Variants in KDM2B observed in about 807,000 individuals in gnomAD.
KDM2B encodes the protein lysine-specific demethylase 2B.
In KDM2B, 26 loss-of-function variants were observed where a neutral mutation model predicts 150.0. The ratio of observed to expected loss-of-function variants is 0.17; its 90% CI spans 0.13 to 0.24. The LOEUF (loss-of-function observed/expected upper bound fraction) is 0.24, where lower values mean the gene tolerates loss of function less well. Among genes scored for constraint, KDM2B ranks in the 10% least tolerant of loss-of-function variants. KDM2B has a pLI of 1.00. For synonymous variants in KDM2B, 734 were observed against 729.5 expected (o/e 1.01, Z -0.10); for missense variants, 1,265 against 1,816.9 (o/e 0.70, Z 5.52).
At chr12:121,485,481 C>T (rs1265124473) in intron 12 of KDM2B, among the ~76,000 whole-genome samples, 7 of 152,130 alleles carry the variant, frequency 4.6e-5, no homozygotes, top group South Asian at 2.1e-4. Flanking sequence ...CCAACCTCTT[C>T]GTTGCCACAG....
chr12:121,560,299 C>G (rs1890245176), intron 4 of KDM2B, among the ~76,000 whole-genome samples: 1 of 152,176 alleles, frequency 6.6e-6, no homozygotes, highest in African/African-American at 2.4e-5. Flanking sequence ...GCCACCTCAC[C>G]CAGCCTGGAC....
In KDM2B at chr12:121,575,928, G is replaced by T; in HGVS notation, c.272-69C>A. 1 of 1,206,818 alleles carries T rather than the reference G, an allele frequency of 8.3e-7. No homozygotes were observed. Among genetic ancestry groups the T allele is most frequent in the Non-Finnish European group, 1.2e-6 (1 of 810,662 alleles). The allele number at this position is 1,206,818 out of a possible 1,614,324, so 74.8% of individuals were successfully genotyped here. A position where few individuals can be genotyped will look rare whatever the true frequency, so the allele number is the denominator to read the frequency against. ...GGAGCAAATGAACCGGGATCTGTTG[G>T]TTAGGGGAAGAAAACTGATGGACGA... On this transcript the variant is annotated intron_variant, in intron 2 of 22. Transcript: ENST00000377071. The surrounding 1 kb of genome is among the most constrained non-coding windows in gnomAD (Gnocchi z 4.4).
chr12:121,514,491 A>G (rs1222898212), intron 9 of KDM2B, among the ~76,000 whole-genome samples: 2 of 151,698 alleles, frequency 1.3e-5, no homozygotes, highest in Non-Finnish European at 2.9e-5. Flanking sequence ...TGATGGACCC[A>G]ACACAAGGAT....
chr12:121,417,904 C>T, the KDM2B span: 17 of 1,613,554 alleles, frequency 1.1e-5, no homozygotes, highest in Admixed American at 1.7e-5. The surrounding 1 kb of genome is among the most constrained non-coding windows in gnomAD (Gnocchi z 5.0). Context: ...TCTGGAGTGC[C>T]GGCACAGGTA....
At chr12:121,441,017 TC>T in intron 20 of KDM2B, 40 bp from the exon 21 acceptor site, 2 of 1,612,048 alleles carry the variant, frequency 1.2e-6, no homozygotes, top group Non-Finnish European at 8.5e-7. Context: ...AGGGGATGTG[TC>T]CCCAGCCCTC....
At chr12:121,564,254 G>C (rs1469324620) in intron 4 of KDM2B, among the ~76,000 whole-genome samples, 2 of 151,930 alleles carry the variant, frequency 1.3e-5, no homozygotes, top group African/African-American at 4.8e-5. Flanking sequence ...TCAGGAGATC[G>C]AGACCATCCC....
At chr12:121,502,980 GTTTT>G (rs782050310) in intron 11 of KDM2B, among the ~76,000 whole-genome samples, 2 of 129,660 alleles carry the variant, frequency 1.5e-5, no homozygotes, top group Non-Finnish European at 1.6e-5. Flanking sequence ...TTTTTTGTGG[GTTTT>G]TTTTTTTTTT....
intron 12 of KDM2B, among the ~76,000 whole-genome samples, chr12:121,463,080 G>A (rs1363046027): frequency 1.3e-5 from 2 of 151,454 alleles, no homozygotes; most frequent in Non-Finnish European, 2.9e-5. Flanking sequence ...ACTTTGGGAG[G>A]CCAAGGCGGG....
intron 11 of KDM2B, among the ~76,000 whole-genome samples, chr12:121,500,117 G>GT (rs1191150986): frequency 4.6e-5 from 7 of 152,078 alleles, no homozygotes. Flanking sequence ...TTTCATTTGT[G>GT]TATGACAGGC....
At position 121,452,414 on chromosome 12, in the gene KDM2B, A is replaced by G. The variant is rs1475309388; in HGVS notation, c.1959+706T>C. ...TCACCCTATGCCAGGCTGGGCCTGC[A>G]GATGAGCGCACCAGGGCCGAGGAAT... On this transcript the variant is annotated intron_variant, in intron 13 of 22. Transcript: ENST00000377071. This position sits in a 1 kb window ranked among gnomAD's most constrained non-coding sequence, Gnocchi z 4.4. 1.3e-5 allele frequency among the ~76,000 whole-genome samples: 2 copies of G among 152,254 alleles called. No individual in the cohort carries two copies. The highest frequency in any genetic ancestry group is 2.9e-5 in the Non-Finnish European group (2 of 68,028).
intron 4 of KDM2B, among the ~76,000 whole-genome samples, chr12:121,557,936 G>C (rs574562564): frequency 1.3e-5 from 2 of 152,304 alleles, no homozygotes; most frequent in South Asian, 4.1e-4. Flanking sequence ...CCCTCCCAGA[G>C]CCTGGTATAA....
intron 4 of KDM2B, among the ~76,000 whole-genome samples, chr12:121,550,705 G>A (rs752601390): frequency 2.6e-5 from 4 of 152,048 alleles, no homozygotes; most frequent in Non-Finnish European, 5.9e-5. Context: ...TGTTGGTCAG[G>A]CTGGTCTTGA....
At chr12:121,557,288 A>G (rs1470004057) in intron 4 of KDM2B, among the ~76,000 whole-genome samples, 4 of 128,548 alleles carry the variant, frequency 3.1e-5, no homozygotes, top group Non-Finnish European at 6.2e-5. Context: ...CCCAGGATGG[A>G]GTTCAGTGGT....
chr12:121,533,066 G>T lies in KDM2B; in HGVS notation c.778-107C>A, dbSNP rs1887796858. The T allele has an allele frequency of 1.8e-6, 2 of 1,106,358 alleles. No individual in the cohort carries two copies. Among genetic ancestry groups the T allele is most frequent in the African/African-American group, 3.1e-5 (2 of 65,062 alleles). 68.5% of individuals were successfully genotyped at this position (1,106,358 alleles called of 1,614,324 possible). A position where few individuals can be genotyped will look rare whatever the true frequency, so the allele number is the denominator to read the frequency against. Reference sequence around the variant, plus strand: ...GGGGAGGGGGCGAGACAAGCTGTGTGTGGGGTGGGGGGTGTGGAGAGATGG... The same window carrying T: ...GGGGAGGGGGCGAGACAAGCTGTGTTTGGGGTGGGGGGTGTGGAGAGATGG... On this transcript the variant is annotated intron_variant, in intron 7 of 22. Transcript: ENST00000377071. This position sits in a 1 kb window ranked among gnomAD's most constrained non-coding sequence, Gnocchi z 4.1.
intron 22 of KDM2B, among the ~76,000 whole-genome samples, chr12:121,432,586 G>T (rs538570861): frequency 6.6e-6 from 1 of 152,266 alleles, no homozygotes; most frequent in African/African-American, 2.4e-5. Context: ...CATCTTAAAG[G>T]TGTCATTTAG....
chr12:121,477,407 C>T (rs1239569602), intron 12 of KDM2B, among the ~76,000 whole-genome samples: 1 of 151,672 alleles, frequency 6.6e-6, no homozygotes, highest in East Asian at 1.9e-4. Flanking sequence ...TTTTAAGAGA[C>T]AAAGTCTACT....
the KDM2B span, among the ~76,000 whole-genome samples, chr12:121,422,417 G>GC: frequency 6.6e-6 from 1 of 152,114 alleles, no homozygotes. Flanking sequence ...AGAGACCAAG[G>GC]CCCACTCTGA....
chr12:121,467,557 C>T lies in KDM2B; in HGVS notation c.1735-14213G>A, dbSNP rs1255281834. 6.5e-6 allele frequency: 1 copy of T among 154,100 alleles called. No individual in the cohort carries two copies. Among genetic ancestry groups the T allele is most frequent in the African/African-American group, 2.4e-5 (1 of 41,038 alleles). The allele number at this position is 154,100 out of a possible 1,614,324, so 9.5% of individuals were successfully genotyped here. A position where few individuals can be genotyped will look rare whatever the true frequency, so the allele number is the denominator to read the frequency against. On this transcript the variant is annotated intron_variant, in intron 12 of 22. Transcript: ENST00000377071. This position sits in a 1 kb window ranked among gnomAD's most constrained non-coding sequence, Gnocchi z 5.1. ...CGGGGGCGGGCCGCCGAGGGCGGTC[C>T]CTCGCGGCCGGAGCGCGGGGACTGG...
chr12:121,492,754 C>T lies in KDM2B; in HGVS notation c.1734+1825G>A, dbSNP rs538587125. ...TGAGGCAGGAGAATCGCTTGAACTC[C>T]GGAGGCGGAGGATGCAGTGAGCCGA... On this transcript the variant is annotated intron_variant, in intron 12 of 22. Coordinates refer to ENST00000377071, the MANE Select transcript of KDM2B (RefSeq NM_032590.5). Among the ~76,000 whole-genome samples the T allele has an allele frequency of 3.1e-3, 463 of 150,262 alleles. 1 individual carries two copies. Among genetic ancestry groups the T allele is most frequent in the Admixed American group, 7.4e-3 (111 of 15,074 alleles).
Sources: allele counts gnomAD v4.1 joint callset (sites outside exome capture counted in the v4.1 genomes callset), GRCh38; gene constraint gnomAD v4.1.1; non-coding constraint Gnocchi (gnomAD v3.1); transcripts MANE v1.5; gene names NCBI Gene and HGNC (gene_info 2026-07-23, HGNC 2026-07-21).